RPS15A: variants seen among roughly 807,000 people sequenced by gnomAD.
RPS15A encodes small ribosomal subunit protein uS8.
For synonymous variants in RPS15A, 55 were observed against 58.5 expected (o/e 0.94, Z 0.27); for missense variants, 62 against 163.4 (o/e 0.38, Z 3.38).
chr16:18,783,938 C>T, intron 4 of RPS15A: 2 of 320,160 alleles, frequency 6.2e-6, no homozygotes, highest in South Asian at 5.3e-5. Flanking sequence ...AAGGCCTAGG[C>T]TTAGAACTGA....
chr16:18,789,178 A>G, intron 1 of RPS15A, 60 bp from the exon 2 acceptor site: 6 of 1,502,996 alleles, frequency 4.0e-6, no homozygotes, highest in Non-Finnish European at 5.4e-6. Context: ...ACAGACACCA[A>G]CCATTACACT....
rs147936071 is a variant in RPS15A at position 18,790,233 on chromosome 16, C to T, written c.-6+11G>A. ...GGGGACCAGCCTCCTCGCAGGACACCGAGACCGAACCTTAGATTGCAGGAT... is the reference window on the plus strand; with the variant it reads ...GGGGACCAGCCTCCTCGCAGGACACTGAGACCGAACCTTAGATTGCAGGAT... On this transcript the variant is annotated intron_variant, in intron 1 of 4. Transcript: ENST00000322989. 3.6e-3 allele frequency: 545 copies of T among 152,722 alleles called. 1 individual carries two copies. The highest frequency in any genetic ancestry group is 6.2e-3 in the Non-Finnish European group (425 of 68,354). 9.5% of individuals were successfully genotyped at this position (152,722 alleles called of 1,614,324 possible).
At chr16:18,788,437 A>G (rs1437857220) in intron 2 of RPS15A, 2 of 376,956 alleles carry the variant, frequency 5.3e-6, no homozygotes, top group Admixed American at 4.4e-5. Context: ...AAGAAGTGCA[A>G]TAATCCAATC....
At chr16:18,785,153 AAG>A (rs1216892332) in intron 3 of RPS15A, 9 of 212,780 alleles carry the variant, frequency 4.2e-5, no homozygotes, top group African/African-American at 6.9e-5. Context: ...AAGTCTCGAC[AAG>A]AGAGACTACA....
At position 18,781,493 on chromosome 16, in the gene RPS15A, C is replaced by T. The variant is rs1467772604; in HGVS notation, c.*1516G>A. The T allele has an allele frequency of 1.3e-5, 2 of 151,378 alleles. No homozygotes were observed. The highest frequency in any genetic ancestry group is 2.9e-5 in the Non-Finnish European group (2 of 67,822). The allele number at this position is 151,378 out of a possible 1,614,324, so 9.4% of individuals were successfully genotyped here. A position where few individuals can be genotyped will look rare whatever the true frequency, so the allele number is the denominator to read the frequency against. On this transcript the variant is annotated 3_prime_UTR_variant, in exon 5 of 5. Coordinates refer to ENST00000322989, the MANE Select transcript of RPS15A (RefSeq NM_001019.5). ...TGGCATAAGAAAATCCTTCTGGACT[C>T]ACTGTCCCCATGCTTGTGACTGTCA...
intron 2 of RPS15A, 40 bp from the exon 3 acceptor site, chr16:18,788,182 A>G: frequency 7.9e-7 from 1 of 1,267,636 alleles, no homozygotes; most frequent in South Asian, 1.2e-5. Context: ...AAAGACATCA[A>G]CTTGAGAGCT....
chr16:18,783,482 T>C (rs770939276), intron 4 of RPS15A: 15 of 357,848 alleles, frequency 4.2e-5, no homozygotes, highest in Non-Finnish European at 7.1e-5. Flanking sequence ...TACTGTATAA[T>C]AGCTAAACTA....
intron 2 of RPS15A, 43 bp downstream of exon 2, chr16:18,788,938 G>C: frequency 6.3e-7 from 1 of 1,584,270 alleles, no homozygotes; most frequent in Non-Finnish European, 8.6e-7. Flanking sequence ...ATTTCTTAGA[G>C]AGTCTCACAT....
intron 4 of RPS15A, chr16:18,783,547 G>A (rs969821878): frequency 3.9e-5 from 16 of 406,632 alleles, no homozygotes; most frequent in African/African-American, 2.9e-4. Context: ...GTTACTGTGG[G>A]GATCACTGTA....
intron 2 of RPS15A, 89 bp downstream of exon 2, chr16:18,788,892 T>C (rs1017771868): frequency 8.3e-5 from 113 of 1,355,978 alleles, no homozygotes; most frequent in Non-Finnish European, 1.1e-4. Flanking sequence ...ATGACAGACA[T>C]ACTTTGGTCC....
rs2606564 is a variant in RPS15A at position 18,782,581 on chromosome 16, A to G, written c.*428T>C. 0.39 allele frequency: 60,509 copies of G among 154,626 alleles called. 12,310 individuals are homozygous for G. The highest frequency in any genetic ancestry group is 0.45 in the Non-Finnish European group (31,101 of 69,648). The allele number at this position is 154,626 out of a possible 1,614,324, so 9.6% of individuals were successfully genotyped here. On this transcript the variant is annotated 3_prime_UTR_variant, in exon 5 of 5. Coordinates refer to ENST00000322989, the MANE Select transcript of RPS15A (RefSeq NM_001019.5). ...CTACTAAAATATAAAAATTAGCCGGATGTGGCGACACACACTTGTAATCCC... is the reference window on the plus strand; with the variant it reads ...CTACTAAAATATAAAAATTAGCCGGGTGTGGCGACACACACTTGTAATCCC...
At chr16:18,786,455 T>C (rs1904051962) in intron 3 of RPS15A, 1 of 154,764 alleles carries the variant, frequency 6.5e-6, no homozygotes, top group African/African-American at 2.4e-5. Context: ...GTGCCACAAA[T>C]AAGTTCCATT....
chr16:18,788,883 TGACA>T (rs2029956168), intron 2 of RPS15A, 94 bp downstream of exon 2: 2 of 1,275,710 alleles, frequency 1.6e-6, no homozygotes, highest in South Asian at 2.7e-5. Context: ...TTCTCAGGTA[TGACA>T]GACATACTTT....
chr16:18,785,136 A>G (rs899183631), intron 3 of RPS15A: 13 of 243,636 alleles, frequency 5.3e-5, no homozygotes, highest in African/African-American at 2.5e-4. Flanking sequence ...TACATAGCCT[A>G]GAGATCAAGT....
chr16:18,784,176 AAGGCTGT>A (rs1904009938), intron 4 of RPS15A: 1 of 162,244 alleles, frequency 6.2e-6, no homozygotes, highest in Admixed American at 6.0e-5. Context: ...CCAAGAAGCC[AAGGCTGT>A]AGCGTGTTAT....
chr16:18,783,413 A>G, intron 4 of RPS15A: 1 of 372,458 alleles, frequency 2.7e-6, no homozygotes. Context: ...TTCTGCTCTC[A>G]GGTAAGGAGA....
Position 18,784,729 on chromosome 16 carries a change from C to G in RPS15A, c.299+9G>C, listed in dbSNP as rs774030493. 1 of 1,593,822 alleles carries G rather than the reference C, an allele frequency of 6.3e-7. No individual in the cohort carries two copies. The highest frequency in any genetic ancestry group is 1.4e-5 in the African/African-American group (1 of 73,606). On this transcript the variant is annotated intron_variant, in intron 4 of 4. Coordinates refer to ENST00000322989, the MANE Select transcript of RPS15A (RefSeq NM_001019.5). ...TTAACTTCTTTTAATTAAGGAAAGGCCAACTTACCCAAACTGGCGGGATGG... is the reference window on the plus strand; with the variant it reads ...TTAACTTCTTTTAATTAAGGAAAGGGCAACTTACCCAAACTGGCGGGATGG...
rs747792864 is a variant in RPS15A at position 18,783,118 on chromosome 16, AG to A, written c.300-17del. The A allele has an allele frequency of 6.4e-7, 1 of 1,551,690 alleles. No individual in the cohort carries two copies. The highest frequency in any genetic ancestry group is 1.4e-5 in the African/African-American group (1 of 73,570). On this transcript the variant is annotated splice_polypyrimidine_tract_variant and intron_variant, in intron 4 of 4. Coordinates refer to ENST00000322989, the MANE Select transcript of RPS15A (RefSeq NM_001019.5). ...TACAATGAAACTATGGAGTGGAAAA[AG>A]AAAGTGCTGGTAAGTTTAATAGTTC...
Position 18,788,988 on chromosome 16 carries a change from C to T in RPS15A, c.126G>A (p.Met42Ile). The change falls in exon 2 of 5, where the codon ATG becomes ATA. Residue 42 changes from methionine (M) to isoleucine (I), a missense_variant. Transcript: ENST00000322989. ...CAGCGGCAGCAGACTTACCATGCTT[C>T]ATCATCACAGTGAGAAACCGGACGA... Reference protein sequence around the residue: ...KVIVRFLTVMMKHGYIGEFEI... With the variant: ...KVIVRFLTVMIKHGYIGEFEI... 6.2e-7 allele frequency: 1 copy of T among 1,612,294 alleles called. No homozygotes were observed. The highest frequency in any genetic ancestry group is 8.5e-7 in the Non-Finnish European group (1 of 1,179,450).
Sources: gnomAD v4.1 joint callset for allele counts on GRCh38, gnomAD v4.1.1 for gene constraint, MANE v1.5 for transcripts, NCBI Gene and HGNC (gene_info 2026-07-23, HGNC 2026-07-21) for gene names.